The following SLC24A2 variants were observed in gnomAD, a reference collection of about 807,000 sequenced individuals.
SLC24A2 encodes solute carrier family 24 member 2.
SLC24A2 carries 36 observed loss-of-function variants against 62.0 expected under a neutral mutation model. That is an observed-to-expected ratio of 0.58 (90% CI 0.44 to 0.77). The LOEUF is 0.77. SLC24A2 is among the 30% of genes least tolerant of loss of function. The probability of loss-of-function intolerance (pLI) is 0.00; values close to 1 mark genes in which losing one functional copy is unlikely to be tolerated. For synonymous variants in SLC24A2, 358 were observed against 294.0 expected (o/e 1.22, Z -2.23); for missense variants, 846 against 817.9 (o/e 1.03, Z -0.42).
the SLC24A2 span, among the ~76,000 whole-genome samples, chr9:19,955,564 C>T: frequency 6.6e-6 from 1 of 151,864 alleles, no homozygotes; most frequent in African/African-American, 2.4e-5. Flanking sequence ...ATAAAAACAA[C>T]AGGTATTTGA....
chr9:19,614,783 G>C (rs1391167570), intron 4 of SLC24A2, among the ~76,000 whole-genome samples: 1 of 151,940 alleles, frequency 6.6e-6, no homozygotes, highest in East Asian at 1.9e-4. Context: ...GGGGAATCAG[G>C]GGACCCAGTT....
chr9:19,899,509 T>C, the SLC24A2 span, among the ~76,000 whole-genome samples: 1 of 152,160 alleles, frequency 6.6e-6, no homozygotes, highest in Non-Finnish European at 1.5e-5. Context: ...TTCTTCCTTA[T>C]ACCAGGAGAA....
chr9:20,026,009 C>A, the SLC24A2 span, among the ~76,000 whole-genome samples: 1 of 152,136 alleles, frequency 6.6e-6, no homozygotes, highest in East Asian at 1.9e-4. Flanking sequence ...AAAGCTTGTT[C>A]TCTAGTCAGA....
intron 6 of SLC24A2, 46 bp downstream of exon 6, chr9:19,576,878 C>T (rs370569511): frequency 4.5e-4 from 653 of 1,446,526 alleles, no homozygotes; most frequent in Non-Finnish European, 5.7e-4. Flanking sequence ...CTGCTCCCCT[C>T]GCTTCCCCCA....
chr9:20,209,409 G>C, the SLC24A2 span, among the ~76,000 whole-genome samples: 1 of 152,118 alleles, frequency 6.6e-6, no homozygotes, highest in African/African-American at 2.4e-5. Flanking sequence ...CATAACCTCT[G>C]TGTCCTGTAA....
At chr9:20,252,162 A>G in the SLC24A2 span, among the ~76,000 whole-genome samples, 3 of 152,254 alleles carry the variant, frequency 2.0e-5, no homozygotes, top group Non-Finnish European at 4.4e-5. Context: ...ACTGCTATGG[A>G]CAATGAGAAG....
At chr9:19,850,950 TA>T in the SLC24A2 span, among the ~76,000 whole-genome samples, 86 of 44,688 alleles carry the variant, frequency 1.9e-3, 5 homozygotes, top group Non-Finnish European at 3.3e-3. Context: ...TATATACATA[TA>T]TATATATATA....
At chr9:20,020,526 A>AT in the SLC24A2 span, among the ~76,000 whole-genome samples, 1 of 152,168 alleles carries the variant, frequency 6.6e-6, no homozygotes, top group Non-Finnish European at 1.5e-5. Context: ...AACAATGAGA[A>AT]CACATGGACA....
the SLC24A2 span, among the ~76,000 whole-genome samples, chr9:19,913,630 G>T: frequency 3.9e-5 from 6 of 152,086 alleles, no homozygotes; most frequent in Admixed American, 2.6e-4. Context: ...TCCAGTGCCA[G>T]CAAGCCTATG....
At chr9:19,937,153 T>C in the SLC24A2 span, among the ~76,000 whole-genome samples, 8 of 152,156 alleles carry the variant, frequency 5.3e-5, no homozygotes, top group Non-Finnish European at 1.0e-4. Flanking sequence ...CTCTGAGCTG[T>C]GCCAGAGCAA....
the SLC24A2 span, among the ~76,000 whole-genome samples, chr9:20,204,403 G>A: frequency 9.2e-5 from 14 of 152,272 alleles, no homozygotes; most frequent in African/African-American, 3.4e-4. Context: ...TGGCTATTTT[G>A]CTTGCATTTG....
intron 2 of SLC24A2, among the ~76,000 whole-genome samples, chr9:19,683,364 G>C (rs1819778735): frequency 6.6e-6 from 1 of 152,114 alleles, no homozygotes; most frequent in Admixed American, 6.6e-5. Context: ...AGGTTTCTGG[G>C]AGATTACATG....
the SLC24A2 span, among the ~76,000 whole-genome samples, chr9:20,088,958 C>T: frequency 1.3e-5 from 2 of 152,176 alleles, no homozygotes; most frequent in African/African-American, 4.8e-5. Flanking sequence ...CACCATATTG[C>T]CACGCCCTAA....
At chr9:20,032,642 T>G in the SLC24A2 span, among the ~76,000 whole-genome samples, 5 of 152,176 alleles carry the variant, frequency 3.3e-5, no homozygotes, top group Non-Finnish European at 7.3e-5. Context: ...GTTAGACAAC[T>G]TAGGTCATTG....
At chr9:19,732,621 A>G (rs1303744240) in intron 2 of SLC24A2, among the ~76,000 whole-genome samples, 3 of 152,204 alleles carry the variant, frequency 2.0e-5, no homozygotes, top group Admixed American at 6.6e-5. Context: ...GTCATACATT[A>G]GTATATAATC....
chr9:20,205,910 G>C, the SLC24A2 span, among the ~76,000 whole-genome samples: 2 of 152,056 alleles, frequency 1.3e-5, no homozygotes, highest in African/African-American at 2.4e-5. Context: ...TGATATTAAT[G>C]AATTATCTGA....
At chr9:20,182,861 T>G in the SLC24A2 span, among the ~76,000 whole-genome samples, 1 of 152,158 alleles carries the variant, frequency 6.6e-6, no homozygotes, top group Non-Finnish European at 1.5e-5. Flanking sequence ...AACTTCATGA[T>G]AAGAACCAAA....
At chr9:19,555,862 T>G (rs772405539) in intron 7 of SLC24A2, among the ~76,000 whole-genome samples, 2 of 152,232 alleles carry the variant, frequency 1.3e-5, no homozygotes, top group South Asian at 4.2e-4. Flanking sequence ...GGAGAATCAC[T>G]TGAACCCGGG....
At chr9:19,818,865 A>G in the SLC24A2 span, among the ~76,000 whole-genome samples, 2 of 152,194 alleles carry the variant, frequency 1.3e-5, no homozygotes, top group Admixed American at 6.6e-5. Flanking sequence ...TTCATATGGG[A>G]ACAAAAAAGA....
Sources: gnomAD v4.1 joint callset for allele counts (sites outside exome capture counted in the v4.1 genomes callset) on GRCh38, gnomAD v4.1.1 for gene constraint, MANE v1.5 for transcripts, NCBI Gene and HGNC (gene_info 2026-07-23, HGNC 2026-07-21) for gene names.